Variants in PLPPR5 observed in about 807,000 individuals in gnomAD.
The protein encoded by PLPPR5 is phospholipid phosphatase-related protein type 5.
Under a neutral mutation model 33.9 loss-of-function variants are expected in PLPPR5, and 16 were observed. That is an observed-to-expected ratio of 0.47 (90% CI 0.32 to 0.72). The LOEUF is 0.72. Ranked by LOEUF, PLPPR5 falls within the 30% of genes least tolerant of loss-of-function variation. PLPPR5 has a pLI of 0.03. For synonymous variants in PLPPR5, 163 were observed against 150.3 expected, an observed-to-expected ratio of 1.08 and a Z score of -0.62; for missense variants, 301 against 406.7, an observed-to-expected ratio of 0.74 and a Z score of 2.23.
Position 98,969,744 on chromosome 1 carries a change from T to TTC in PLPPR5, c.238-13004_238-13003insGA, listed in dbSNP as rs1557687857. On this transcript the variant is annotated intron_variant, in intron 1 of 5. Coordinates refer to ENST00000263177, the MANE Select transcript of PLPPR5 (RefSeq NM_001037317.2). ...TCTTTTTCTCCTTCCTTCCTTCCTT[T>TTC]CTTTCTTTTTGCTAGTTCAGAAAAA... Among the ~76,000 whole-genome samples the TTC allele has an allele frequency of 9.2e-3, 934 of 101,984 alleles. 15 individuals are homozygous for TTC. Among genetic ancestry groups the TTC allele is most frequent in the African/African-American group, 0.041 (903 of 21,808 alleles). The allele number at this position is 101,984 out of a possible 152,430, so 66.9% of individuals were successfully genotyped here. A position where few individuals can be genotyped will look rare whatever the true frequency, so the allele number is the denominator to read the frequency against.
chr1:98,930,669 G>A (rs1046506888), intron 3 of PLPPR5, among the ~76,000 whole-genome samples: 2 of 152,044 alleles, frequency 1.3e-5, no homozygotes, highest in Non-Finnish European at 2.9e-5. Context: ...CATTTCAAAG[G>A]ATGTCCTAAA....
rs1225043808 is a variant in PLPPR5, at chr1:98,956,679, C to T, written c.300G>A (p.Gln100=). 6.3e-7 allele frequency: 1 copy of T among 1,599,762 alleles called. No homozygotes were observed. The highest frequency in any genetic ancestry group is 1.4e-5 in the African/African-American group (1 of 74,056). Residue 100 remains glutamine (Q), a synonymous_variant, in exon 2 of 6, where the codon CAG becomes CAA. Coordinates refer to ENST00000263177, the MANE Select transcript of PLPPR5 (RefSeq NM_001037317.2). ...LQLATRDFEN[Q]EKTILTGDCC... ...AGTCTCCAGTTAAAATAGTTTTTTC[C>T]TGGTTTTCAAAATCCCTTGTGGCTA... is the stretch of plus-strand genomic sequence containing the variant.
At chr1:98,982,995 G>A (rs530208844) in intron 1 of PLPPR5, among the ~76,000 whole-genome samples, 1 of 152,156 alleles carries the variant, frequency 6.6e-6, no homozygotes, top group African/African-American at 2.4e-5. Context: ...TTGGGTTTGG[G>A]GTGGCTGAGG....
intron 3 of PLPPR5, among the ~76,000 whole-genome samples, chr1:98,950,436 A>G (rs1650736489): frequency 6.6e-6 from 1 of 152,214 alleles, no homozygotes; most frequent in Non-Finnish European, 1.5e-5. Flanking sequence ...TTTATTATAG[A>G]ACAGTATGAT....
At chr1:98,991,731 C>T (rs186979631) in intron 1 of PLPPR5, among the ~76,000 whole-genome samples, 10 of 152,260 alleles carry the variant, frequency 6.6e-5, no homozygotes, top group African/African-American at 1.2e-4. Context: ...CACTGGAAGG[C>T]GGAGCATCCC....
chr1:98,994,513 T>A (rs141491358), intron 1 of PLPPR5, among the ~76,000 whole-genome samples: 1 of 152,198 alleles, frequency 6.6e-6, no homozygotes. Context: ...AAATTTTGTA[T>A]GTCTATTCTA....
chr1:98,961,249 C>T (rs1307918216), intron 1 of PLPPR5, among the ~76,000 whole-genome samples: 1 of 152,162 alleles, frequency 6.6e-6, no homozygotes, highest in Admixed American at 6.5e-5. Context: ...AGAATATAAA[C>T]ATACACAGCA....
chr1:98,910,082 TG>T, intron 5 of PLPPR5, among the ~76,000 whole-genome samples: 1 of 152,352 alleles, frequency 6.6e-6, no homozygotes, highest in South Asian at 2.1e-4. Context: ...TTATCAAACA[TG>T]TACTTTGAAC....
At chr1:98,978,317 G>A (rs897074733) in intron 1 of PLPPR5, among the ~76,000 whole-genome samples, 3 of 151,918 alleles carry the variant, frequency 2.0e-5, no homozygotes, top group Admixed American at 6.6e-5. Context: ...AATTGGTCTC[G>A]CAGTCTTTGA....
intron 3 of PLPPR5, among the ~76,000 whole-genome samples, chr1:98,950,996 G>A (rs1056380831): frequency 6.6e-6 from 1 of 152,014 alleles, no homozygotes; most frequent in Non-Finnish European, 1.5e-5. Context: ...GAGCCACCAC[G>A]CCCCATCTGA....
chr1:98,927,761 A>T (rs368904652), intron 3 of PLPPR5, among the ~76,000 whole-genome samples: 4 of 152,246 alleles, frequency 2.6e-5, no homozygotes, highest in African/African-American at 9.6e-5. Flanking sequence ...ACCTACATGG[A>T]CACATTTGCC....
At chr1:98,943,277 G>T (rs774538877) in intron 3 of PLPPR5, among the ~76,000 whole-genome samples, 21 of 152,148 alleles carry the variant, frequency 1.4e-4, no homozygotes, top group Non-Finnish European at 2.8e-4. Context: ...CCAGAGGGAA[G>T]GACCCTGAAA....
chr1:98,895,441 C>T (rs749022352), intron 5 of PLPPR5, among the ~76,000 whole-genome samples: 1 of 151,864 alleles, frequency 6.6e-6, no homozygotes, highest in Non-Finnish European at 1.5e-5. Context: ...GACTAAGAAA[C>T]CTTAATAATG....
Position 99,004,604 on chromosome 1 carries a change from G to A in PLPPR5, c.68C>T (p.Thr23Met). 1 of 1,613,018 alleles carries A rather than the reference G, an allele frequency of 6.2e-7. No homozygotes were observed. The highest frequency in any genetic ancestry group is 8.5e-7 in the Non-Finnish European group (1 of 1,179,818). The change falls in exon 1 of 6, where the codon ACG (threonine) becomes ATG (methionine). Residue 23 changes from threonine (T) to methionine (M), a missense_variant. Transcript: ENST00000263177. ...LYFQMVIMAG[T>M]VMLAYYFEYT... is the part of the protein sequence containing the mutation. ...CTCGAAGTAGTACGCCAGCATCACCGTCCCTGCCATGATCACCATCTGGAA... is the reference window on the plus strand; with the variant it reads ...CTCGAAGTAGTACGCCAGCATCACCATCCCTGCCATGATCACCATCTGGAA...
Position 98,899,384 on chromosome 1 carries a change from T to A in PLPPR5, c.934-6280A>T, listed in dbSNP as rs567308475. On this transcript the variant is annotated intron_variant, in intron 5 of 5. Transcript: ENST00000263177. ...GTGCCACAAGCAATGGATTGTCTTT[T>A]ATGCCAGTCTGAGTACCACTGCCTA... Among the ~76,000 whole-genome samples the A allele has an allele frequency of 3.9e-5, 6 of 152,326 alleles. No individual in the cohort carries two copies. In the South Asian group the frequency reaches 1.2e-3, roughly 32 times the overall value.
At chr1:98,938,180 G>T (rs1313593899) in intron 3 of PLPPR5, among the ~76,000 whole-genome samples, 2 of 151,960 alleles carry the variant, frequency 1.3e-5, no homozygotes. Flanking sequence ...AGACATGATA[G>T]CATAGTAATT....
intron 1 of PLPPR5, among the ~76,000 whole-genome samples, chr1:98,967,765 G>T (rs1570741812): frequency 1.3e-5 from 2 of 152,088 alleles, no homozygotes; most frequent in East Asian, 3.9e-4. Context: ...TAGTAAAGGG[G>T]CTGGCACAGA....
intron 1 of PLPPR5, among the ~76,000 whole-genome samples, chr1:98,958,501 G>A (rs1651105346): frequency 1.3e-5 from 2 of 152,054 alleles, no homozygotes; most frequent in African/African-American, 4.8e-5. Flanking sequence ...CCTATTTGGT[G>A]AGAGTGGATT....
At chr1:98,981,064 T>C (rs921413762) in intron 1 of PLPPR5, among the ~76,000 whole-genome samples, 3 of 152,094 alleles carry the variant, frequency 2.0e-5, no homozygotes, top group Non-Finnish European at 2.9e-5. Context: ...ATCCATGTGC[T>C]AAATATTGCC....
Sources: allele counts gnomAD v4.1 joint callset (sites outside exome capture counted in the v4.1 genomes callset), GRCh38; gene constraint gnomAD v4.1.1; transcripts MANE v1.5; gene names NCBI Gene and HGNC (gene_info 2026-07-23, HGNC 2026-07-21).